Variants in SLC24A2 observed in about 807,000 individuals in gnomAD.
The protein encoded by SLC24A2 is solute carrier family 24 member 2, also known as sodium/potassium/calcium exchanger 2.
Under a neutral mutation model 62.0 loss-of-function variants are expected in SLC24A2, and 36 were observed. The observed-to-expected ratio is 0.58, with a 90% CI of 0.44 to 0.77. The LOEUF (loss-of-function observed/expected upper bound fraction) is 0.77, where lower values mean the gene tolerates loss of function less well. Among genes scored for constraint, SLC24A2 ranks in the 30% least tolerant of loss-of-function variants. SLC24A2 has a pLI of 0.00. For missense variants in SLC24A2, 846 were observed against 817.9 expected, an observed-to-expected ratio of 1.03 and a Z score of -0.42; for synonymous variants, 358 against 294.0, an observed-to-expected ratio of 1.22 and a Z score of -2.23.
chr9:19,728,583 A>G (rs1325794845), intron 2 of SLC24A2, among the ~76,000 whole-genome samples: 3 of 152,172 alleles, frequency 2.0e-5, no homozygotes, highest in African/African-American at 7.2e-5. Context: ...GAAGGGTCTC[A>G]ACTCTGGTGG....
chr9:19,742,839 G>A (rs1370425132), intron 2 of SLC24A2, among the ~76,000 whole-genome samples: 1 of 152,004 alleles, frequency 6.6e-6, no homozygotes, highest in African/African-American at 2.4e-5. Flanking sequence ...GGACTCTAAT[G>A]GGCCACAAAC....
At chr9:20,136,290 T>C in the SLC24A2 span, among the ~76,000 whole-genome samples, 1 of 152,156 alleles carries the variant, frequency 6.6e-6, no homozygotes, top group African/African-American at 2.4e-5. Flanking sequence ...ACAGAGTGAA[T>C]AGTCAAGTTT....
At chr9:20,081,486 G>T in the SLC24A2 span, among the ~76,000 whole-genome samples, 3 of 117,896 alleles carry the variant, frequency 2.5e-5, no homozygotes, top group Non-Finnish European at 5.1e-5. Context: ...TGAGGGGTGG[G>T]GGGAGGGGGG....
At chr9:20,287,845 G>C in the SLC24A2 span, among the ~76,000 whole-genome samples, 2 of 152,098 alleles carry the variant, frequency 1.3e-5, no homozygotes, top group Non-Finnish European at 2.9e-5. Flanking sequence ...TGCTCCCTTA[G>C]TCCAGGTCAA....
At chr9:19,721,885 A>G (rs1587217887) in intron 2 of SLC24A2, among the ~76,000 whole-genome samples, 1 of 152,174 alleles carries the variant, frequency 6.6e-6, no homozygotes, top group South Asian at 2.1e-4. Context: ...CTGAAAAGTC[A>G]CTAAATTAGT....
the SLC24A2 span, among the ~76,000 whole-genome samples, chr9:20,070,239 C>T: frequency 6.6e-6 from 1 of 152,118 alleles, no homozygotes; most frequent in South Asian, 2.1e-4. Context: ...GTTACCCAAT[C>T]CTAATCAAGC....
intron 7 of SLC24A2, among the ~76,000 whole-genome samples, chr9:19,563,273 G>C (rs2132812395): frequency 6.6e-6 from 1 of 152,252 alleles, no homozygotes; most frequent in Non-Finnish European, 1.5e-5. Context: ...TTGGGTGGCA[G>C]AACCTCTTAT....
chr9:20,042,545 G>C, the SLC24A2 span, among the ~76,000 whole-genome samples: 9 of 152,234 alleles, frequency 5.9e-5, 1 homozygote, highest in African/African-American at 2.2e-4. Context: ...GTAGGGGTGA[G>C]AGGACATGGC....
chr9:19,902,439 C>A, the SLC24A2 span, among the ~76,000 whole-genome samples: 1 of 152,110 alleles, frequency 6.6e-6, no homozygotes, highest in Admixed American at 6.6e-5. Context: ...AATCAAAGGG[C>A]CTAGATAATC....
intron 2 of SLC24A2, among the ~76,000 whole-genome samples, chr9:19,763,942 C>A (rs531064936): frequency 1.3e-5 from 2 of 151,898 alleles, no homozygotes; most frequent in Non-Finnish European, 2.9e-5. Context: ...CATCTGGTCC[C>A]GGGCTTTTTT....
chr9:19,527,044 T>C (rs945774331), intron 9 of SLC24A2, among the ~76,000 whole-genome samples: 2 of 152,158 alleles, frequency 1.3e-5, no homozygotes, highest in African/African-American at 4.8e-5. Context: ...AGGATCTAAG[T>C]TTATTTATTT....
At chr9:19,719,743 A>T (rs1022167524) in intron 2 of SLC24A2, among the ~76,000 whole-genome samples, 1 of 152,244 alleles carries the variant, frequency 6.6e-6, no homozygotes, top group Non-Finnish European at 1.5e-5. Context: ...CAAACTTCAT[A>T]TAACTACCTA....
At chr9:19,566,496 A>G (rs1388384499) in intron 7 of SLC24A2, among the ~76,000 whole-genome samples, 1 of 151,082 alleles carries the variant, frequency 6.6e-6, no homozygotes, top group Non-Finnish European at 1.5e-5. Flanking sequence ...AAATAGGAAC[A>G]CTTTTACACT....
At chr9:19,753,999 T>G (rs10964270) in intron 2 of SLC24A2, among the ~76,000 whole-genome samples, 1,802 of 152,226 alleles carry the variant, frequency 0.012, 45 homozygotes, top group African/African-American at 0.042. Context: ...AAATGACTGA[T>G]TACATATTTG....
chr9:20,306,953 C>G, the SLC24A2 span, among the ~76,000 whole-genome samples: 6 of 152,164 alleles, frequency 3.9e-5, no homozygotes, highest in Admixed American at 6.5e-5. Flanking sequence ...CCACCTCAGC[C>G]TCCCAAAGTG....
intron 2 of SLC24A2, among the ~76,000 whole-genome samples, chr9:19,724,284 A>T (rs1587222232): frequency 6.6e-6 from 1 of 152,230 alleles, no homozygotes; most frequent in South Asian, 2.1e-4. Context: ...TTGCTCAATC[A>T]GACTTAATAA....
the SLC24A2 span, among the ~76,000 whole-genome samples, chr9:20,062,824 G>C: frequency 6.3e-3 from 729 of 116,534 alleles, no homozygotes; most frequent in East Asian, 0.012. Flanking sequence ...ATCAAAAAGT[G>C]GGTGAAGGAC....
chr9:19,555,403 G>C (rs1195663543), intron 7 of SLC24A2, among the ~76,000 whole-genome samples: 1 of 152,164 alleles, frequency 6.6e-6, no homozygotes, highest in Non-Finnish European at 1.5e-5. Context: ...GGGGAGTTCA[G>C]AGCCAAATTT....
At chr9:20,210,383 G>C in the SLC24A2 span, among the ~76,000 whole-genome samples, 1 of 152,178 alleles carries the variant, frequency 6.6e-6, no homozygotes, top group Non-Finnish European at 1.5e-5. Context: ...TCAGGTGGTA[G>C]AAAGCAGTGA....
Sources: allele counts gnomAD v4.1 joint callset (sites outside exome capture counted in the v4.1 genomes callset), GRCh38; gene constraint gnomAD v4.1.1; transcripts MANE v1.5; gene names NCBI Gene and HGNC (gene_info 2026-07-23, HGNC 2026-07-21).